Variants in LIPN observed in about 807,000 individuals in gnomAD.
LIPN encodes lipase member N.
LIPN carries 32 observed loss-of-function variants against 43.7 expected under a neutral mutation model. That is an observed-to-expected ratio of 0.73 (90% confidence interval 0.55 to 0.98). The LOEUF is 0.98. Among genes scored for constraint, LIPN ranks in the 50% least tolerant of loss-of-function variants. The pLI, the probability that LIPN is intolerant of heterozygous loss-of-function variation, is 0.00. For synonymous variants in LIPN, 156 were observed against 157.6 expected (o/e 0.99, Z 0.08); for missense variants, 505 against 483.8 (o/e 1.04, Z -0.41).
intron 7 of LIPN, 120 bp downstream of exon 7, chr10:88,771,111 GA>G: frequency 2.4e-6 from 2 of 845,364 alleles, no homozygotes; most frequent in East Asian, 5.6e-5. Flanking sequence ...CTTAAAGACA[GA>G]TTTTTTTTTG....
intron 8 of LIPN, 122 bp from the exon 9 acceptor site, chr10:88,774,970 C>T: frequency 7.8e-6 from 5 of 640,062 alleles, no homozygotes; most frequent in Non-Finnish European, 8.2e-6. Flanking sequence ...TGGGTGGTTA[C>T]ATCCTTCTGG....
chr10:88,772,336 A>G, intron 7 of LIPN, among the ~76,000 whole-genome samples: 1 of 151,890 alleles, frequency 6.6e-6, no homozygotes, highest in South Asian at 2.1e-4. Flanking sequence ...GCCCAGACCA[A>G]TGTCCCGGAG....
In LIPN at chr10:88,766,323, T is replaced by C; in HGVS notation, c.480T>C (p.Asn160=). 2 of 1,610,352 alleles carry C rather than the reference T, an allele frequency of 1.2e-6. No individual in the cohort carries two copies. Among genetic ancestry groups the C allele is most frequent in the Non-Finnish European group, 1.7e-6 (2 of 1,177,342 alleles). The stretch of plus-strand genomic sequence containing the variant: ...CAGGAGTAATAGACTTCATTGTAAA[T>C]AAAACTGGTCAGGAGAAATTGTATT... ...DLPGVIDFIV[N]KTGQEKLYFI... Residue 160 remains asparagine, a synonymous_variant, in exon 5 of 10, where the codon AAT becomes AAC. Coordinates refer to ENST00000404459, the MANE Select transcript of LIPN (RefSeq NM_001102469.2).
In LIPN at chr10:88,777,927, T is replaced by C. The variant is rs1843321536; in HGVS notation, c.964-82T>C. 1.0e-5 allele frequency: 8 copies of C among 777,422 alleles called. No homozygotes were observed. In the South Asian group the frequency reaches 1.4e-4, roughly 14 times the overall value. 48.2% of individuals were successfully genotyped at this position (777,422 alleles called of 1,614,324 possible). A position where few individuals can be genotyped will look rare whatever the true frequency, so the allele number is the denominator to read the frequency against. ...TGGTGCCTAACAGAACTATGGCCAT[T>C]GTCCACATTCATTTAGCAGCCTTTG... On this transcript the variant is annotated intron_variant, in intron 9 of 9. Transcript: ENST00000404459.
chr10:88,758,038 T>C (rs1842947832), upstream of LIPN, among the ~76,000 whole-genome samples: 1 of 152,100 alleles, frequency 6.6e-6, no homozygotes, highest in Non-Finnish European at 1.5e-5. Context: ...CTTTTTAACT[T>C]TGAGTTATTT....
intron 6 of LIPN, 95 bp from the exon 7 acceptor site, chr10:88,770,750 A>T: frequency 1.4e-6 from 1 of 703,804 alleles, no homozygotes; most frequent in Non-Finnish European, 2.3e-6. Context: ...TATTGAGTTG[A>T]GCTCCTTATA....
intron 4 of LIPN, 93 bp from the exon 5 acceptor site, chr10:88,766,176 T>C: frequency 1.4e-6 from 1 of 697,788 alleles, no homozygotes; most frequent in Non-Finnish European, 2.6e-6. Flanking sequence ...GTAAACAGCA[T>C]AGAATCTGGG....
At chr10:88,776,943 T>G (rs1253661735) in intron 9 of LIPN, among the ~76,000 whole-genome samples, 1 of 152,050 alleles carries the variant, frequency 6.6e-6, no homozygotes, top group Non-Finnish European at 1.5e-5. Context: ...TCCTGTCCCT[T>G]ATGAAAAACA....
intron 3 of LIPN, among the ~76,000 whole-genome samples, chr10:88,763,952 T>C (rs1211089173): frequency 6.6e-6 from 1 of 151,958 alleles, no homozygotes; most frequent in Non-Finnish European, 1.5e-5. Flanking sequence ...ACCCAGGAAA[T>C]TTGTATATAC....
At position 88,762,242 on chromosome 10, in the gene LIPN, G is replaced by C. The variant is rs767172549; in HGVS notation, c.163G>C (p.Glu55Gln). The change falls in exon 3 of 10, where the codon GAA becomes CAA. Residue 55 changes from glutamate (E) to glutamine (Q), a missense_variant. Coordinates refer to ENST00000404459, the MANE Select transcript of LIPN (RefSeq NM_001102469.2). ...CAGTGAAGAGTATGAAGTCACCACT[G>C]AAGATGGGTATATACTCCTTGTCAA... ...YPSEEYEVTT[E>Q]DGYILLVNRI... The C allele has an allele frequency of 1.2e-6, 2 of 1,609,756 alleles. No homozygotes were observed. Among genetic ancestry groups the C allele is most frequent in the African/African-American group, 2.7e-5 (2 of 74,776 alleles).
At chr10:88,775,766 A>G (rs901929009) in intron 9 of LIPN, among the ~76,000 whole-genome samples, 2 of 152,062 alleles carry the variant, frequency 1.3e-5, no homozygotes, top group Admixed American at 6.6e-5. Context: ...CTGTTCTCAT[A>G]GCCAGGGGCT....
At chr10:88,760,820 T>C (rs1842984220) in intron 1 of LIPN, among the ~76,000 whole-genome samples, 1 of 152,280 alleles carries the variant, frequency 6.6e-6, no homozygotes, top group South Asian at 2.1e-4. Flanking sequence ...TTTAGTGTTA[T>C]AGTGTTGGTC....
intron 7 of LIPN, 147 bp downstream of exon 7, chr10:88,771,138 A>T (rs1218973362): frequency 1.6e-6 from 1 of 615,188 alleles, no homozygotes; most frequent in Non-Finnish European, 2.7e-6. Flanking sequence ...AAAAATGTTT[A>T]TGGGTATATA....
At chr10:88,757,813 A>G (rs984954696), upstream of LIPN, among the ~76,000 whole-genome samples, 13 of 152,132 alleles carry the variant, frequency 8.5e-5, no homozygotes, top group African/African-American at 2.7e-4. Context: ...ACACATATAG[A>G]CTTATGGACA....
upstream of LIPN, among the ~76,000 whole-genome samples, chr10:88,758,706 T>C (rs1794366890): frequency 6.6e-6 from 1 of 151,858 alleles, no homozygotes. Flanking sequence ...TTCTTTGACA[T>C]TACTTTGTTT....
intron 6 of LIPN, among the ~76,000 whole-genome samples, chr10:88,770,520 T>A (rs1467617250): frequency 6.6e-6 from 1 of 151,828 alleles, no homozygotes; most frequent in Non-Finnish European, 1.5e-5. Context: ...TTTATTGCAA[T>A]CTCCTTGTAA....
In LIPN at chr10:88,768,878, C is replaced by A. The variant is rs1400261057; in HGVS notation, c.622C>A (p.Pro208Thr). Reference protein sequence around the residue: ...ALGPTISFKYPTGIFTRFFLL... With the variant: ...ALGPTISFKYTTGIFTRFFLL... ...GGGTCCTACGATCTCATTCAAATAT[C>A]CCACGGGCATTTTTACCAGGTTTTT... Residue 208 changes from proline (P) to threonine (T), a missense_variant, in exon 6 of 10, where the codon CCC (proline) becomes ACC (threonine). By Grantham distance (38) the Pro-to-Thr change is conservative. Transcript: ENST00000404459. The A allele has an allele frequency of 6.2e-7, 1 of 1,611,266 alleles. No individual in the cohort carries two copies. The highest frequency in any genetic ancestry group is 8.5e-7 in the Non-Finnish European group (1 of 1,178,162).
chr10:88,778,189 G>A lies in LIPN; in HGVS notation c.1144G>A (p.Ala382Thr). 1 of 1,613,012 alleles carries A rather than the reference G, an allele frequency of 6.2e-7. No homozygotes were observed. Among genetic ancestry groups the A allele is most frequent in the South Asian group, 1.1e-5 (1 of 91,024 alleles). ...CTTTGATTTTGTCTGGGGCCTCGATGCCCCTCAACGGATGTACAGTGAAAT... is the reference window on the plus strand; with the variant it reads ...CTTTGATTTTGTCTGGGGCCTCGATACCCCTCAACGGATGTACAGTGAAAT... ...NHFDFVWGLD[A>T]PQRMYSEIIA... The change falls in exon 10 of 10, where the codon GCC (alanine) becomes ACC (threonine). Residue 382 changes from alanine to threonine, a missense_variant. Ala to Thr is a moderately conservative substitution (Grantham distance 58). Coordinates refer to ENST00000404459, the MANE Select transcript of LIPN (RefSeq NM_001102469.2).
At chr10:88,777,732 T>G (rs566962421) in intron 9 of LIPN, among the ~76,000 whole-genome samples, 3 of 152,256 alleles carry the variant, frequency 2.0e-5, no homozygotes, top group East Asian at 3.9e-4. Context: ...AGGACCCCTC[T>G]TTCTATGAAG....
Sources: gnomAD v4.1 joint callset for allele counts (sites outside exome capture counted in the v4.1 genomes callset) on GRCh38, gnomAD v4.1.1 for gene constraint, MANE v1.5 for transcripts, NCBI Gene and HGNC (gene_info 2026-07-23, HGNC 2026-07-21) for gene names.